Variants in FLT4 observed in about 807,000 individuals in gnomAD.
FLT4 encodes the protein vascular endothelial growth factor receptor 3.
A neutral mutation model predicts 163.2 loss-of-function variants in FLT4; 30 were observed. That is an observed-to-expected ratio of 0.18 (90% confidence interval 0.14 to 0.25). The LOEUF (loss-of-function observed/expected upper bound fraction) is 0.25. Among genes scored for constraint, FLT4 ranks in the 10% least tolerant of loss-of-function variants. The pLI, the probability that FLT4 is intolerant of heterozygous loss-of-function variation, is 1.00. For synonymous variants in FLT4, 884 were observed against 789.5 expected (o/e 1.12, Z -2.01); for missense variants, 1,510 against 1,863.8 (o/e 0.81, Z 3.50).
chr5:180,642,509 G>A (rs1020363684), intron 1 of FLT4, among the ~76,000 whole-genome samples: 1 of 152,188 alleles, frequency 6.6e-6, no homozygotes, highest in African/African-American at 2.4e-5. Context: ...GTGGAAGCAG[G>A]CCCAGGTCCC....
chr5:180,614,316 A>G lies in FLT4; in HGVS notation c.3220-137T>C, dbSNP rs56328898. On this transcript the variant is annotated intron_variant, in intron 23 of 29. Coordinates refer to ENST00000261937, the MANE Select transcript of FLT4 (RefSeq NM_182925.5). ...CGGAGGGAAGCGTGTCCCGTGGTGG[A>G]TGGGAAGAGAGGGCTGAGGCCAGAT... 39,119 of 597,434 alleles carry G rather than the reference A, an allele frequency of 0.065. 2,391 individuals are homozygous for G. Among genetic ancestry groups the G allele is most frequent in the Middle Eastern group, 0.091 (209 of 2,308 alleles). 37.0% of individuals were successfully genotyped at this position (597,434 alleles called of 1,614,324 possible).
chr5:180,630,171 T>A lies in FLT4; in HGVS notation c.513+54A>T. On this transcript the variant is annotated intron_variant, in intron 4 of 29. Transcript: ENST00000261937. This position sits in a 1 kb window ranked among gnomAD's most constrained non-coding sequence, Gnocchi z 6.3. ...GCTCCTGGCCAGACAGGCGGCCGCC[T>A]TTCCCAGGGGTGGGATGGGAGGGTC... The A allele has an allele frequency of 6.2e-7, 1 of 1,609,474 alleles. No homozygotes were observed. The highest frequency in any genetic ancestry group is 8.5e-7 in the Non-Finnish European group (1 of 1,177,692).
At chr5:180,609,079 G>C in intron 28 of FLT4, 26 bp from the exon 29 acceptor site, 1 of 1,606,822 alleles carries the variant, frequency 6.2e-7, no homozygotes, top group Middle Eastern at 1.7e-4. Flanking sequence ...AAGCCAGGCT[G>C]TGGGTCCCGC....
intron 28 of FLT4, 53 bp downstream of exon 28, chr5:180,609,852 G>C: frequency 6.2e-7 from 1 of 1,609,948 alleles, no homozygotes; most frequent in South Asian, 1.1e-5. Context: ...CCTCCCCTGA[G>C]GCGGCCCCAG....
chr5:180,626,403 G>T lies in FLT4; in HGVS notation c.1104-138C>A, dbSNP rs978920676. 6.5e-6 allele frequency: 6 copies of T among 916,386 alleles called. No individual in the cohort carries two copies. The African/African-American group carries it at 8.1e-5, about 12-fold the overall frequency. The allele number at this position is 916,386 out of a possible 1,614,324, so 56.8% of individuals were successfully genotyped here. A position where few individuals can be genotyped will look rare whatever the true frequency, so the allele number is the denominator to read the frequency against. On this transcript the variant is annotated intron_variant, in intron 8 of 29. Coordinates refer to ENST00000261937, the MANE Select transcript of FLT4 (RefSeq NM_182925.5). ...AGGGTAGGACGGGGAACACTGGTCT[G>T]CGAGGGGATGGTCTAAGTCCCTGGA...
chr5:180,628,944 T>C lies in FLT4; in HGVS notation c.1041A>G (p.Ala347=), dbSNP rs752358680. 6.2e-7 allele frequency: 1 copy of C among 1,612,784 alleles called. No individual in the cohort carries two copies. The highest frequency in any genetic ancestry group is 1.1e-5 in the South Asian group (1 of 91,090). ...CGGGCAGCTTCACCAGCTCGTCTCCTGCCGTGGCCTCCAGGATGGGTCCTT... is the reference window on the plus strand; with the variant it reads ...CGGGCAGCTTCACCAGCTCGTCTCCCGCCGTGGCCTCCAGGATGGGTCCTT... The part of the protein sequence containing the change: ...WLKGPILEAT[A]GDELVKLPVK... The change falls in exon 8 of 30, where the codon GCA becomes GCG. Residue 347 remains alanine, a synonymous_variant. Coordinates refer to ENST00000261937, the MANE Select transcript of FLT4 (RefSeq NM_182925.5).
chr5:180,646,874 A>G (rs1375600779), intron 1 of FLT4, among the ~76,000 whole-genome samples: 1 of 152,156 alleles, frequency 6.6e-6, no homozygotes, highest in African/African-American at 2.4e-5. Context: ...TGTGGGCCCT[A>G]TGCTCTGGGA....
chr5:180,608,458 G>A (rs1476097120), intron 29 of FLT4, among the ~76,000 whole-genome samples: 1 of 152,124 alleles, frequency 6.6e-6, no homozygotes, highest in Admixed American at 6.5e-5. Context: ...GGTCCCCCAG[G>A]CCCAGCTGTT....
intron 27 of FLT4, among the ~76,000 whole-genome samples, chr5:180,610,502 G>A (rs549095448): frequency 9.0e-4 from 137 of 152,362 alleles, no homozygotes; most frequent in African/African-American, 3.0e-3. Context: ...GGGACAGGAC[G>A]CAGAGCCTGC....
rs755233725 is a variant in FLT4 at position 180,630,877 on chromosome 5, G to A, written c.156-78C>T. The A allele has an allele frequency of 8.9e-5, 131 of 1,476,840 alleles. No homozygotes were observed. The highest frequency in any genetic ancestry group is 1.2e-4 in the Non-Finnish European group (129 of 1,108,658). The allele number at this position is 1,476,840 out of a possible 1,614,324, so 91.5% of individuals were successfully genotyped here. On this transcript the variant is annotated intron_variant, in intron 2 of 29. Transcript: ENST00000261937. The surrounding 1 kb of genome is among the most constrained non-coding windows in gnomAD (Gnocchi z 6.3). ...GTCCCTGAGAAGCCTCCCTCAGGCC[G>A]AGCCTCACCAGGTTTGTCTTACCCA...
chr5:180,629,127 G>A, intron 7 of FLT4, 128 bp from the exon 8 acceptor site: 1 of 1,451,620 alleles, frequency 6.9e-7, no homozygotes, highest in Non-Finnish European at 9.6e-7. Context: ...ATGCCGCCCG[G>A]TGCAGGAGCT....
At chr5:180,645,598 A>G (rs1245814375) in intron 1 of FLT4, among the ~76,000 whole-genome samples, 1 of 151,728 alleles carries the variant, frequency 6.6e-6, no homozygotes, top group East Asian at 1.9e-4. Context: ...TCCCCTACTC[A>G]CCACCTGGAT....
intron 25 of FLT4, among the ~76,000 whole-genome samples, 154 bp downstream of exon 25, chr5:180,612,857 C>T (rs1322516735): frequency 6.6e-6 from 1 of 152,130 alleles, no homozygotes; most frequent in East Asian, 1.9e-4. Context: ...CCTCCTGGTG[C>T]AGCTGTGCTA....
At chr5:180,607,920 C>G in intron 29 of FLT4, 1 of 599,550 alleles carries the variant, frequency 1.7e-6, no homozygotes, top group East Asian at 2.8e-5. Context: ...CGCTTGAGGG[C>G]TCTTTGGTCA....
chr5:180,634,069 T>A (rs199664640), intron 1 of FLT4, among the ~76,000 whole-genome samples: 1 of 152,280 alleles, frequency 6.6e-6, no homozygotes, highest in South Asian at 2.1e-4. Flanking sequence ...GCCTCTGCCC[T>A]CCAGCCACTG....
At chr5:180,649,093 C>G (rs972913303) in intron 1 of FLT4, among the ~76,000 whole-genome samples, 8 of 151,864 alleles carry the variant, frequency 5.3e-5, no homozygotes, top group Non-Finnish European at 1.2e-4. Flanking sequence ...GGATCTCCGG[C>G]GCGCGTGGGT....
In FLT4 at chr5:180,619,239, C is replaced by G. The variant is rs1350902676; in HGVS notation, c.2761+14G>C. The G allele has an allele frequency of 1.3e-6, 2 of 1,585,842 alleles. No homozygotes were observed. Among genetic ancestry groups the G allele is most frequent in the Non-Finnish European group, 1.7e-6 (2 of 1,166,174 alleles). Reference sequence around the variant, plus strand: ...CCGGGGTCTCGCCGTCCCAGCGGGCCGCCCGCTCCGTACCCTGCGGCTTGG... The same window carrying G: ...CCGGGGTCTCGCCGTCCCAGCGGGCGGCCCGCTCCGTACCCTGCGGCTTGG... On this transcript the variant is annotated intron_variant, in intron 19 of 29. Coordinates refer to ENST00000261937, the MANE Select transcript of FLT4 (RefSeq NM_182925.5).
chr5:180,648,986 G>A (rs990081340), intron 1 of FLT4, among the ~76,000 whole-genome samples: 4 of 152,166 alleles, frequency 2.6e-5, no homozygotes, highest in Non-Finnish European at 5.9e-5. Context: ...CCACGGGGAG[G>A]GGGAAGCCCG....
Position 180,619,504 on chromosome 5 carries a change from G to A in FLT4, c.2648-138C>T, listed in dbSNP as rs770683331. On this transcript the variant is annotated intron_variant, in intron 18 of 29. Coordinates refer to ENST00000261937, the MANE Select transcript of FLT4 (RefSeq NM_182925.5). ...GGCCCCACTGAGGCAGAGGGGGTTC[G>A]GGTGGTCCCTCGGCTCTGAAGCCCG... The A allele has an allele frequency of 6.3e-6, 6 of 953,572 alleles. No homozygotes were observed. The South Asian group carries it at 6.5e-5, about 10-fold the overall frequency. 59.1% of individuals were successfully genotyped at this position (953,572 alleles called of 1,614,324 possible).
Sources: allele counts gnomAD v4.1 joint callset (sites outside exome capture counted in the v4.1 genomes callset), GRCh38; gene constraint gnomAD v4.1.1; non-coding constraint Gnocchi (gnomAD v3.1); transcripts MANE v1.5; gene names NCBI Gene and HGNC (gene_info 2026-07-23, HGNC 2026-07-21).